Variants in MRE11 observed in about 807,000 individuals in gnomAD.
The protein encoded by MRE11 is MRE11 double strand break repair nuclease, also known as double-strand break repair protein MRE11.
In MRE11, 62 loss-of-function variants were observed where a neutral mutation model predicts 91.7. That is an observed-to-expected ratio of 0.68 (90% confidence interval 0.55 to 0.84). The LOEUF is 0.84. Ranked by LOEUF, MRE11 falls within the 40% of genes least tolerant of loss-of-function variation. The pLI is 0.00. For missense variants in MRE11, 796 were observed against 852.9 expected (o/e 0.93, Z 0.83); for synonymous variants, 273 against 271.4 (o/e 1.01, Z -0.06).
intron 5 of MRE11, among the ~76,000 whole-genome samples, chr11:94,479,089 G>C (rs568813709): frequency 7.9e-5 from 12 of 152,192 alleles, no homozygotes; most frequent in African/African-American, 2.9e-4. Flanking sequence ...CATGCCAAAG[G>C]CAAGGTTAAT....
At chr11:94,490,164 T>C (rs1205213171) in intron 3 of MRE11, among the ~76,000 whole-genome samples, 1 of 152,238 alleles carries the variant, frequency 6.6e-6, no homozygotes, top group African/African-American at 2.4e-5. Flanking sequence ...GAAGTCCTCA[T>C]TAATGCAGCT....
At chr11:94,500,645 G>A in the MRE11 span, among the ~76,000 whole-genome samples, 3 of 152,276 alleles carry the variant, frequency 2.0e-5, no homozygotes, top group Admixed American at 1.3e-4. Flanking sequence ...GGTAATTTTT[G>A]TGACTGTTCA....
chr11:94,459,100 T>TA (rs1946344016), intron 13 of MRE11, among the ~76,000 whole-genome samples: 1 of 152,206 alleles, frequency 6.6e-6, no homozygotes, highest in Middle Eastern at 3.4e-3. Context: ...CAAAACTTAC[T>TA]AAAAAAATTA....
At chr11:94,422,767 G>A (rs1348073080) in intron 19 of MRE11, among the ~76,000 whole-genome samples, 3 of 151,810 alleles carry the variant, frequency 2.0e-5, no homozygotes, top group Non-Finnish European at 4.4e-5. Flanking sequence ...AGGCTGGAGT[G>A]CAATGGTGCA....
intron 9 of MRE11, among the ~76,000 whole-genome samples, chr11:94,469,928 C>A (rs1341454868): frequency 6.6e-6 from 1 of 152,038 alleles, no homozygotes; most frequent in African/African-American, 2.4e-5. Flanking sequence ...ATCCACCCAA[C>A]CTTAGTAGTG....
intron 17 of MRE11, among the ~76,000 whole-genome samples, chr11:94,436,651 A>C (rs998627189): frequency 6.6e-6 from 1 of 152,182 alleles, no homozygotes; most frequent in African/African-American, 2.4e-5. Flanking sequence ...CACAGTTTTG[A>C]AAGTGAAGTA....
chr11:94,470,077 T>G (rs1244316814), intron 9 of MRE11, among the ~76,000 whole-genome samples: 1 of 152,096 alleles, frequency 6.6e-6, no homozygotes. Flanking sequence ...AAGGGACGCC[T>G]AATACAGATT....
intron 14 of MRE11, among the ~76,000 whole-genome samples, chr11:94,448,181 T>C (rs1945994196): frequency 6.6e-6 from 1 of 152,212 alleles, no homozygotes; most frequent in Non-Finnish European, 1.5e-5. Context: ...TTTTGTTTTT[T>C]GTTCTTGAAT....
chr11:94,444,820 CAATTAT>C (rs1180985338), intron 16 of MRE11, among the ~76,000 whole-genome samples: 1 of 150,642 alleles, frequency 6.6e-6, no homozygotes, highest in Non-Finnish European at 1.5e-5. Context: ...ATAAATATTA[CAATTAT>C]AATATTTAAA....
chr11:94,506,183 T>G, the MRE11 span, among the ~76,000 whole-genome samples: 2 of 151,520 alleles, frequency 1.3e-5, no homozygotes, highest in Non-Finnish European at 2.9e-5. Flanking sequence ...TTGTTCATTT[T>G]CAGTTTTTTT....
chr11:94,453,209 T>C (rs1284337509), intron 14 of MRE11, among the ~76,000 whole-genome samples: 1 of 152,094 alleles, frequency 6.6e-6, no homozygotes. Context: ...CATACCACAT[T>C]TTGTTTATCC....
intron 16 of MRE11, among the ~76,000 whole-genome samples, chr11:94,438,543 A>G (rs532442311): frequency 2.0e-5 from 3 of 152,370 alleles, no homozygotes; most frequent in African/African-American, 7.2e-5. Context: ...TGATGATTTC[A>G]AAGAATATTT....
At chr11:94,434,164 GT>G (rs1945536785) in intron 18 of MRE11, among the ~76,000 whole-genome samples, 1 of 152,158 alleles carries the variant, frequency 6.6e-6, no homozygotes, top group Non-Finnish European at 1.5e-5. Flanking sequence ...CCACTAAAGT[GT>G]AAATTCCTTG....
At chr11:94,498,769 G>A, upstream of MRE11, 1 of 523,668 alleles carries the variant, frequency 1.9e-6, no homozygotes, top group South Asian at 2.4e-5. Context: ...TAATTTTAAT[G>A]TGTGTATACT....
At chr11:94,462,473 C>G (rs967657100) in intron 11 of MRE11, among the ~76,000 whole-genome samples, 1 of 152,168 alleles carries the variant, frequency 6.6e-6, no homozygotes, top group African/African-American at 2.4e-5. Flanking sequence ...ATTGCCAAGA[C>G]AATCCTAAGC....
At chr11:94,439,835 G>GGATCCAAACC (rs1945726041) in intron 16 of MRE11, among the ~76,000 whole-genome samples, 2 of 152,220 alleles carry the variant, frequency 1.3e-5, no homozygotes, top group Non-Finnish European at 2.9e-5. Flanking sequence ...GTAAAATTGA[G>GGATCCAAACC]AAGTCAGGAT....
chr11:94,474,302 A>C (rs1946796181), intron 7 of MRE11, among the ~76,000 whole-genome samples: 1 of 152,134 alleles, frequency 6.6e-6, no homozygotes, highest in Admixed American at 6.6e-5. Context: ...AACTAAGGTC[A>C]TGACCTCAAA....
In MRE11 at chr11:94,418,464, T is replaced by G. The variant is rs539061083; in HGVS notation, c.*1661A>C. Reference sequence around the variant, plus strand: ...TACTTTAGTGACCATTCCCTCACTATAACTCTCACCCAGACCCACCTAACT... The same window carrying G: ...TACTTTAGTGACCATTCCCTCACTAGAACTCTCACCCAGACCCACCTAACT... On this transcript the variant is annotated 3_prime_UTR_variant, in exon 20 of 20. Transcript: ENST00000323929. 26 of 232,138 alleles carry G rather than the reference T, an allele frequency of 1.1e-4. No individual in the cohort carries two copies. The South Asian group carries it at 4.5e-3, about 41-fold the overall frequency. 14.4% of individuals were successfully genotyped at this position (232,138 alleles called of 1,614,324 possible). A position where few individuals can be genotyped will look rare whatever the true frequency, so the allele number is the denominator to read the frequency against.
At chr11:94,455,704 G>C (rs1278433377) in intron 14 of MRE11, among the ~76,000 whole-genome samples, 1 of 152,072 alleles carries the variant, frequency 6.6e-6, no homozygotes, top group Admixed American at 6.6e-5. Flanking sequence ...ATTTGCCCAT[G>C]CTTGCTTACT....
Sources: allele counts gnomAD v4.1 joint callset (sites outside exome capture counted in the v4.1 genomes callset), GRCh38; gene constraint gnomAD v4.1.1; transcripts MANE v1.5; gene names NCBI Gene and HGNC (gene_info 2026-07-23, HGNC 2026-07-21).